Variants in DSTYK observed in about 807,000 individuals in gnomAD.
The protein encoded by DSTYK is dual serine/threonine and tyrosine protein kinase, also known as RIP-homologous kinase.
In DSTYK, 34 loss-of-function variants were observed where a neutral mutation model predicts 98.7. The ratio of observed to expected loss-of-function variants is 0.34; its 90% CI spans 0.26 to 0.46. The LOEUF (loss-of-function observed/expected upper bound fraction) is 0.46. DSTYK is among the 20% of genes least tolerant of loss of function. The pLI, the probability that DSTYK is intolerant of heterozygous loss-of-function variation, is 1.00. For synonymous variants in DSTYK, 462 were observed against 457.3 expected (o/e 1.01, Z -0.13); for missense variants, 962 against 1,181.7 (o/e 0.81, Z 2.73).
Position 205,169,386 on chromosome 1 carries a change from G to A in DSTYK, c.1101C>T (p.Cys367=). The change falls in exon 3 of 13, where the codon TGC becomes TGT. Residue 367 remains cysteine, a synonymous_variant. Transcript: ENST00000367162. This position sits in a 1 kb window ranked among gnomAD's most constrained non-coding sequence, Gnocchi z 4.0. ...GGTTAATAAAGATGTCAAGGCAGTG[G>A]CAGTGCACCAGGTTCAGGGCCTTGG... is the stretch of plus-strand genomic sequence containing the variant. ...DAAKALNLVH[C]HCLDIFINQA... is the part of the protein sequence containing the mutation. The A allele has an allele frequency of 3.1e-6, 5 of 1,614,152 alleles. No homozygotes were observed. The highest frequency in any genetic ancestry group is 4.2e-6 in the Non-Finnish European group (5 of 1,180,038).
In DSTYK at chr1:205,148,355, G is replaced by A; in HGVS notation, c.2468-16C>T. The A allele has an allele frequency of 6.2e-7, 1 of 1,612,554 alleles. No individual in the cohort carries two copies. The highest frequency in any genetic ancestry group is 8.5e-7 in the Non-Finnish European group (1 of 1,179,934). On this transcript the variant is annotated splice_polypyrimidine_tract_variant and intron_variant, in intron 11 of 12. Coordinates refer to ENST00000367162, the MANE Select transcript of DSTYK (RefSeq NM_015375.3). ...TCGTACTTCCCTGATGGCAAGAAAG[G>A]ATGAAACGTAATGAGCCACAGAGAG...
chr1:205,174,675 A>G (rs1658173415), intron 2 of DSTYK, among the ~76,000 whole-genome samples: 1 of 151,024 alleles, frequency 6.6e-6, no homozygotes, highest in Admixed American at 6.6e-5. Context: ...AGAGTGAGAT[A>G]CTGTCCAAAA....
intron 11 of DSTYK, 55 bp from the exon 12 acceptor site, chr1:205,148,394 T>A: frequency 1.2e-6 from 2 of 1,604,476 alleles, no homozygotes; most frequent in East Asian, 4.5e-5. Flanking sequence ...GGCAGCAGCA[T>A]CTACACCACC....
At chr1:205,204,078 A>C (rs1659131215) in intron 1 of DSTYK, among the ~76,000 whole-genome samples, 2 of 152,202 alleles carry the variant, frequency 1.3e-5, no homozygotes, top group South Asian at 4.1e-4. Context: ...TAGCAAGATC[A>C]GCAACAAGGG....
intron 2 of DSTYK, among the ~76,000 whole-genome samples, chr1:205,179,113 A>C (rs1448175785): frequency 6.6e-6 from 1 of 151,716 alleles, no homozygotes; most frequent in Admixed American, 6.6e-5. Context: ...TGAGCGACAA[A>C]GTGAGATACT....
At chr1:205,173,297 G>A (rs1658122266) in intron 2 of DSTYK, 1 of 150,786 alleles carries the variant, frequency 6.6e-6, no homozygotes, top group African/African-American at 2.4e-5. Flanking sequence ...AGGAAGCTGA[G>A]GCAGGAGAAT....
At chr1:205,205,454 AT>A (rs957149635) in intron 1 of DSTYK, among the ~76,000 whole-genome samples, 9 of 150,706 alleles carry the variant, frequency 6.0e-5, no homozygotes, top group South Asian at 2.1e-4. Flanking sequence ...TATTATTATT[AT>A]TTTTTTTTGA....
At chr1:205,163,116 C>A in intron 4 of DSTYK, 110 bp from the exon 5 acceptor site, 2 of 899,498 alleles carry the variant, frequency 2.2e-6, no homozygotes, top group South Asian at 2.7e-5. Context: ...GGTTTCCAAA[C>A]TTACCCCTCA....
chr1:205,181,656 T>TTGTGTGTGTGTGTG (rs35775611), intron 2 of DSTYK, among the ~76,000 whole-genome samples: 1 of 142,642 alleles, frequency 7.0e-6, no homozygotes, highest in African/African-American at 2.7e-5. Context: ...ATGTTGGGGT[T>TTGTGTGTGTGTGTG]TGTGTGTGTG....
chr1:205,185,376 G>GTAT (rs911113346), intron 2 of DSTYK, among the ~76,000 whole-genome samples: 14 of 152,054 alleles, frequency 9.2e-5, no homozygotes, highest in Non-Finnish European at 1.9e-4. Flanking sequence ...CTATTTAACA[G>GTAT]TATTATTATT....
intron 9 of DSTYK, among the ~76,000 whole-genome samples, chr1:205,157,995 A>T (rs1657611927): frequency 6.6e-6 from 1 of 152,120 alleles, no homozygotes; most frequent in African/African-American, 2.4e-5. Flanking sequence ...GCTCAAAGTG[A>T]CTATTTCTAG....
intron 1 of DSTYK, among the ~76,000 whole-genome samples, chr1:205,191,901 A>G (rs1658723593): frequency 6.6e-6 from 1 of 152,194 alleles, no homozygotes; most frequent in African/African-American, 2.4e-5. Context: ...GGCTGCCAGA[A>G]GGTAACAGCA....
At chr1:205,209,211 T>A (rs1659292780) in intron 1 of DSTYK, among the ~76,000 whole-genome samples, 1 of 152,200 alleles carries the variant, frequency 6.6e-6, no homozygotes, top group African/African-American at 2.4e-5. Context: ...ATTCTCTTTG[T>A]TTTAGAAGCA....
At chr1:205,165,964 G>T (rs1234247497) in intron 3 of DSTYK, among the ~76,000 whole-genome samples, 2 of 151,980 alleles carry the variant, frequency 1.3e-5, no homozygotes, top group African/African-American at 2.4e-5. Context: ...GGAGGTTGTA[G>T]TGAGACTAGA....
intron 3 of DSTYK, among the ~76,000 whole-genome samples, chr1:205,167,766 A>G (rs1421681487): frequency 1.3e-5 from 2 of 152,246 alleles, no homozygotes; most frequent in African/African-American, 2.4e-5. Context: ...AGATAACAAT[A>G]GTTCAGTTAG....
rs1248473333 is a variant in DSTYK at position 205,211,414 on chromosome 1, AG to A, written c.121del (p.Leu41CysfsTer51). 1 of 1,610,236 alleles carries A rather than the reference AG, an allele frequency of 6.2e-7. No individual in the cohort carries two copies. Among genetic ancestry groups the A allele is most frequent in the African/African-American group, 1.3e-5 (1 of 74,768 alleles). ...CTGGGTCTCGCGCAGGTTCTGTCGC[AG>A]CCGTCCCAGGTAGCGGCGGTAGCGG... is the stretch of plus-strand genomic sequence containing the variant. ...FGRYRRYLGR[L>X]RQNLRETQKF... is the part of the protein sequence containing the mutation. On this transcript the variant is annotated frameshift_variant, in exon 1 of 13. Coordinates refer to ENST00000367162, the MANE Select transcript of DSTYK (RefSeq NM_015375.3). LOFTEE classifies it high-confidence loss of function.
chr1:205,160,898 T>C (rs559451345), intron 7 of DSTYK, among the ~76,000 whole-genome samples: 1 of 151,886 alleles, frequency 6.6e-6, no homozygotes, highest in East Asian at 2.0e-4. Flanking sequence ...ATCTTCTGCC[T>C]GAGCCTCCTG....
chr1:205,166,292 A>G (rs759230358), intron 3 of DSTYK, among the ~76,000 whole-genome samples: 9 of 152,272 alleles, frequency 5.9e-5, no homozygotes, highest in Non-Finnish European at 1.2e-4. Flanking sequence ...TAAATTTTAT[A>G]AAGTGTGAAT....
chr1:205,198,225 C>A (rs769670511), intron 1 of DSTYK, among the ~76,000 whole-genome samples: 1 of 151,910 alleles, frequency 6.6e-6, no homozygotes, highest in African/African-American at 2.4e-5. Context: ...AGAAAGAAAC[C>A]AACAGAGGAA....
Sources: allele counts gnomAD v4.1 joint callset (sites outside exome capture counted in the v4.1 genomes callset), GRCh38; gene constraint gnomAD v4.1.1; non-coding constraint Gnocchi (gnomAD v3.1); transcripts MANE v1.5; gene names NCBI Gene and HGNC (gene_info 2026-07-23, HGNC 2026-07-21).